ZNF573: variants seen among roughly 807,000 people sequenced by gnomAD.
ZNF573 encodes the protein zinc finger protein 573.
Under a neutral mutation model 57.4 loss-of-function variants are expected in ZNF573, and 41 were observed. That is an observed-to-expected ratio of 0.71 (90% CI 0.56 to 0.93). The LOEUF (loss-of-function observed/expected upper bound fraction) is 0.93, where lower values mean the gene tolerates loss of function less well. Ranked by LOEUF, ZNF573 falls within the 40% of genes least tolerant of loss-of-function variation. ZNF573 has a pLI of 0.00. For missense variants in ZNF573, 730 were observed against 794.8 expected, an observed-to-expected ratio of 0.92 and a Z score of 0.98; for synonymous variants, 249 against 261.0, an observed-to-expected ratio of 0.95 and a Z score of 0.44.
At chr19:37,778,876 G>A (rs529831925) in intron 1 of ZNF573, among the ~76,000 whole-genome samples, 198 of 152,258 alleles carry the variant, frequency 1.3e-3, no homozygotes, top group Non-Finnish European at 2.3e-3. Flanking sequence ...TTCACAGCAG[G>A]TTCCTGGGGT....
At chr19:37,759,135 C>A in intron 4 of ZNF573, 1 of 561,674 alleles carries the variant, frequency 1.8e-6, no homozygotes, top group South Asian at 7.7e-5. Flanking sequence ...GTGAGACCCC[C>A]ATCTCTAATA....
rs749918067 is a variant in ZNF573 at position 37,739,261 on chromosome 19, C to A, written c.1229G>T (p.Gly410Val). Residue 410 changes from glycine to valine, a missense_variant, in exon 5 of 5, where the codon GGC becomes GTC. Physicochemically the swap from Gly to Val is moderately radical, Grantham distance 109. Transcript: ENST00000536220. ...TTCCTTGCATTCATAGGGTTTCTCG[C>A]CAGTATGAGTTTTCTGATGTTGAAA... ...KLFQHQKTHT[G>V]EKPYECKECG... 3.1e-6 allele frequency: 5 copies of A among 1,613,854 alleles called. No homozygotes were observed. In the African/African-American group the frequency reaches 6.7e-5, roughly 22 times the overall value.
At chr19:37,741,225 CTATCTT>C (rs1329729290) in intron 4 of ZNF573, among the ~76,000 whole-genome samples, 4 of 152,000 alleles carry the variant, frequency 2.6e-5, no homozygotes, top group African/African-American at 7.3e-5. Context: ...GTCTGTCTCT[CTATCTT>C]TATCTGTCTG....
chr19:37,775,003 ACT>A lies in ZNF573; in HGVS notation c.-22-1254_-22-1253del, dbSNP rs201262763. ...ACAGTGTCATCCAGTCTACTGCTAA[ACT>A]CTCTCTCTTTTTTTTTTTTTTTTTT... is the stretch of plus-strand genomic sequence containing the variant. On this transcript the variant is annotated intron_variant, in intron 1 of 4. Coordinates refer to ENST00000536220, the MANE Select transcript of ZNF573 (RefSeq NM_001172690.2). Among the ~76,000 whole-genome samples the A allele has an allele frequency of 2.6e-3, 388 of 146,628 alleles. 59 individuals are homozygous for A. Among genetic ancestry groups the A allele is most frequent in the Middle Eastern group, 0.014 (4 of 280 alleles).
At position 37,739,573 on chromosome 19, in the gene ZNF573, T is replaced by A. The variant is rs753375138; in HGVS notation, c.917A>T (p.Lys306Ile). 6.2e-7 allele frequency: 1 copy of A among 1,613,596 alleles called. No homozygotes were observed. ...HTDEKPYICE[K>I]CGKAFRRGHQ... ...ACCTCTTCTAAAGGCCTTTCCACATTTCTCACATATGTATGGCTTCTCATC... is the reference window on the plus strand; with the variant it reads ...ACCTCTTCTAAAGGCCTTTCCACATATCTCACATATGTATGGCTTCTCATC... Residue 306 changes from lysine (K) to isoleucine (I), a missense_variant, in exon 5 of 5, where the codon AAA (lysine) becomes ATA (isoleucine). Physicochemically the swap from Lys to Ile is moderately radical, Grantham distance 102 (BLOSUM62 -3). Transcript: ENST00000536220.
At chr19:37,773,836 T>A in intron 1 of ZNF573, 85 bp from the exon 2 acceptor site, 1 of 834,926 alleles carries the variant, frequency 1.2e-6, no homozygotes, top group Non-Finnish European at 1.9e-6. Flanking sequence ...CCTTCCAAAT[T>A]AATCCCTCAC....
chr19:37,744,938 C>A (rs112376893), intron 4 of ZNF573, among the ~76,000 whole-genome samples: 1 of 148,830 alleles, frequency 6.7e-6, no homozygotes, highest in African/African-American at 2.5e-5. Flanking sequence ...CCCGCCACCA[C>A]GCCCCGCTAA....
chr19:37,760,625 C>A (rs1599698442), intron 4 of ZNF573, among the ~76,000 whole-genome samples: 1 of 149,726 alleles, frequency 6.7e-6, no homozygotes, highest in Admixed American at 6.7e-5. Flanking sequence ...AGTTCGAGAC[C>A]AGCCTGACCA....
At chr19:37,755,734 G>A (rs765244981) in intron 4 of ZNF573, among the ~76,000 whole-genome samples, 1 of 147,536 alleles carries the variant, frequency 6.8e-6, no homozygotes, top group Non-Finnish European at 1.5e-5. Flanking sequence ...AAATCAGAAA[G>A]AAAATAAATT....
rs149057712 is a variant in ZNF573, at chr19:37,743,242, C to T, written c.296-3048G>A. Among the ~76,000 whole-genome samples the T allele has an allele frequency of 5.8e-3, 849 of 146,976 alleles. 8 individuals carry two copies. Among genetic ancestry groups the T allele is most frequent in the African/African-American group, 0.02 (809 of 40,064 alleles). On this transcript the variant is annotated intron_variant, in intron 4 of 4. Transcript: ENST00000536220. ...GGCTGAGGCAGGAGAATCACTTGAA[C>T]GCGGGAGGTAGAGGTTGCAGTGAGC...
intron 4 of ZNF573, among the ~76,000 whole-genome samples, chr19:37,765,446 C>T (rs927879950): frequency 2.0e-5 from 3 of 152,110 alleles, no homozygotes; most frequent in Non-Finnish European, 4.4e-5. Flanking sequence ...AGTGGTGGCT[C>T]ATGACTGTAA....
In ZNF573 at chr19:37,773,767, A is replaced by G; in HGVS notation, c.-22-16T>C. 1 of 1,447,424 alleles carries G rather than the reference A, an allele frequency of 6.9e-7. No individual in the cohort carries two copies. The highest frequency in any genetic ancestry group is 9.4e-7 in the Non-Finnish European group (1 of 1,068,018). The allele number at this position is 1,447,424 out of a possible 1,614,324, so 89.7% of individuals were successfully genotyped here. On this transcript the variant is annotated splice_polypyrimidine_tract_variant and intron_variant, in intron 1 of 4. Transcript: ENST00000536220. ...GAATCCAGAGCTGAGAGAAGAAAAG[A>G]GATGTTAGTGTTCCCAATATGACTT... is the stretch of plus-strand genomic sequence containing the variant.
At chr19:37,766,699 A>G (rs956173845) in intron 4 of ZNF573, among the ~76,000 whole-genome samples, 1 of 152,190 alleles carries the variant, frequency 6.6e-6, no homozygotes, top group African/African-American at 2.4e-5. Flanking sequence ...AAAGCTCTTC[A>G]GAGGTGGTGT....
intron 1 of ZNF573, among the ~76,000 whole-genome samples, chr19:37,774,313 G>A (rs1338463988): frequency 6.6e-6 from 1 of 151,384 alleles, no homozygotes. Context: ...AATTTTTTTT[G>A]TATTTTTAGT....
intron 4 of ZNF573, among the ~76,000 whole-genome samples, chr19:37,750,213 G>C (rs550689634): frequency 2.6e-5 from 4 of 151,920 alleles, no homozygotes; most frequent in Admixed American, 2.6e-4. Flanking sequence ...CTCCTGAGTA[G>C]CTGAGGCTAC....
chr19:37,779,235 C>A (rs2045740931), intron 1 of ZNF573, among the ~76,000 whole-genome samples: 2 of 152,122 alleles, frequency 1.3e-5, no homozygotes, highest in African/African-American at 2.4e-5. Flanking sequence ...CACAACCGCA[C>A]CCACCGTCAA....
Position 37,740,150 on chromosome 19 carries a change from TG to T in ZNF573, c.339del (p.Thr114LeufsTer92). ...GTAGAGGATATATCTGTTTCATAAG[TG>T]GGTACTTCTATGTAGCTGATTATCT... ...QCEIISYIEVPTYETDISSTQ... is the reference protein window; with the variant it reads ...QCEIISYIEVXTYETDISSTQ... On this transcript the variant is annotated frameshift_variant, in exon 5 of 5. Coordinates refer to ENST00000536220, the MANE Select transcript of ZNF573 (RefSeq NM_001172690.2). LOFTEE classifies it high-confidence loss of function. 1 of 1,607,010 alleles carries T rather than the reference TG, an allele frequency of 6.2e-7. No homozygotes were observed. The highest frequency in any genetic ancestry group is 8.5e-7 in the Non-Finnish European group (1 of 1,175,748).
intron 4 of ZNF573, among the ~76,000 whole-genome samples, chr19:37,757,755 C>T (rs555818473): frequency 5.9e-5 from 9 of 151,936 alleles, no homozygotes; most frequent in Non-Finnish European, 1.2e-4. Flanking sequence ...ATGTTTATTG[C>T]GGCACTACTC....
chr19:37,762,210 G>A (rs1329009585), intron 4 of ZNF573, among the ~76,000 whole-genome samples: 1 of 152,114 alleles, frequency 6.6e-6, no homozygotes, highest in East Asian at 1.9e-4. Flanking sequence ...GAAATCAAGT[G>A]GACTGGACTT....
Sources: gnomAD v4.1 joint callset for allele counts (sites outside exome capture counted in the v4.1 genomes callset) on GRCh38, gnomAD v4.1.1 for gene constraint, MANE v1.5 for transcripts, NCBI Gene and HGNC (gene_info 2026-07-23, HGNC 2026-07-21) for gene names.